MAST4: variants seen among roughly 807,000 people sequenced by gnomAD.
MAST4 encodes microtubule-associated serine/threonine-protein kinase 4.
Under a neutral mutation model 162.7 loss-of-function variants are expected in MAST4, and 89 were observed. The ratio of observed to expected loss-of-function variants is 0.55; its 90% CI spans 0.46 to 0.65. The LOEUF is 0.65. Ranked by LOEUF, MAST4 falls within the 30% of genes least tolerant of loss-of-function variation. The pLI, the probability that MAST4 is intolerant of heterozygous loss-of-function variation, is 0.00. For missense variants in MAST4, 3,153 were observed against 3,374.0 expected, an observed-to-expected ratio of 0.93 and a Z score of 1.62; for synonymous variants, 1,479 against 1,361.1, an observed-to-expected ratio of 1.09 and a Z score of -1.91.
At chr5:66,724,218 A>G (rs567722802) in intron 1 of MAST4, among the ~76,000 whole-genome samples, 24 of 152,272 alleles carry the variant, frequency 1.6e-4, no homozygotes, top group Middle Eastern at 3.4e-3. Context: ...AACAGTTACA[A>G]CAACATTTGA....
intron 14 of MAST4, 112 bp from the exon 15 acceptor site, chr5:67,130,098 C>T (rs1243232440): frequency 1.1e-6 from 1 of 933,960 alleles, no homozygotes; most frequent in African/African-American, 1.7e-5. Context: ...AGCTACATTC[C>T]ACCTGCTGTG....
chr5:67,056,652 T>C (rs528989856), intron 5 of MAST4, among the ~76,000 whole-genome samples: 11 of 152,322 alleles, frequency 7.2e-5, no homozygotes, highest in African/African-American at 2.6e-4. Flanking sequence ...TAGAATTTAA[T>C]CAGAGGAATG....
chr5:67,145,736 T>C (rs1771004181), intron 23 of MAST4, among the ~76,000 whole-genome samples: 1 of 152,242 alleles, frequency 6.6e-6, no homozygotes, highest in Middle Eastern at 3.2e-3. Flanking sequence ...CAGTTGCATC[T>C]AACTCAAAAG....
At chr5:66,996,457 T>C (rs1432302322) in intron 4 of MAST4, among the ~76,000 whole-genome samples, 1 of 152,206 alleles carries the variant, frequency 6.6e-6, no homozygotes, top group African/African-American at 2.4e-5. Flanking sequence ...TTTTAGTTTC[T>C]TCTGGTTACT....
chr5:67,063,942 G>A (rs937749185), intron 5 of MAST4, among the ~76,000 whole-genome samples: 5 of 152,112 alleles, frequency 3.3e-5, no homozygotes, highest in South Asian at 2.1e-4. Flanking sequence ...TGGAAGAAAC[G>A]AGAAAAATGA....
chr5:66,872,284 C>T (rs1404047841), intron 3 of MAST4, among the ~76,000 whole-genome samples: 1 of 152,152 alleles, frequency 6.6e-6, no homozygotes, highest in African/African-American at 2.4e-5. Context: ...ATTCTCCTGT[C>T]TCAGCCTCCC....
chr5:67,146,801 A>G (rs1340233819), intron 23 of MAST4, among the ~76,000 whole-genome samples: 1 of 152,190 alleles, frequency 6.6e-6, no homozygotes, highest in Non-Finnish European at 1.5e-5. Flanking sequence ...AGAGAACAGC[A>G]ATGAGGAAGT....
intron 1 of MAST4, among the ~76,000 whole-genome samples, chr5:66,665,831 G>T (rs115045750): frequency 6.6e-6 from 1 of 152,170 alleles, no homozygotes; most frequent in African/African-American, 2.4e-5. Context: ...TGGGGTTATT[G>T]TGAGTATTGA....
intron 4 of MAST4, among the ~76,000 whole-genome samples, chr5:66,919,919 T>G (rs1764392106): frequency 4.2e-5 from 1 of 24,068 alleles, no homozygotes; most frequent in East Asian, 6.3e-4. Flanking sequence ...CTTCCTTCCT[T>G]CCTTCCTTCC....
intron 1 of MAST4, among the ~76,000 whole-genome samples, chr5:66,668,817 A>G (rs757840786): frequency 6.6e-6 from 1 of 152,068 alleles, no homozygotes; most frequent in African/African-American, 2.4e-5. Context: ...TAGTAGGGGG[A>G]AGCCAGAGGT....
chr5:66,833,046 G>A (rs1207508344), intron 3 of MAST4, among the ~76,000 whole-genome samples: 1 of 151,992 alleles, frequency 6.6e-6, no homozygotes, highest in Non-Finnish European at 1.5e-5. Flanking sequence ...TGATCCTTAG[G>A]GGATAAAAAT....
chr5:66,757,760 C>T (rs948939528), intron 1 of MAST4, among the ~76,000 whole-genome samples: 4 of 151,978 alleles, frequency 2.6e-5, no homozygotes, highest in Admixed American at 6.6e-5. Flanking sequence ...GGGTGTTTAC[C>T]GTTCCTGTAA....
At chr5:66,787,859 G>GAAAATT (rs1448311635) in intron 2 of MAST4, among the ~76,000 whole-genome samples, 13 of 152,318 alleles carry the variant, frequency 8.5e-5, no homozygotes. Flanking sequence ...CAAAGCAGAT[G>GAAAATT]AAAATTAAAC....
chr5:66,691,734 G>A (rs4700149), intron 1 of MAST4, among the ~76,000 whole-genome samples: 15,488 of 152,070 alleles, frequency 0.1, 919 homozygotes, highest in Admixed American at 0.16. Flanking sequence ...CCTATTATGA[G>A]GGGATCCGCT....
chr5:66,740,884 T>C (rs959745841), intron 1 of MAST4, among the ~76,000 whole-genome samples: 3 of 152,176 alleles, frequency 2.0e-5, no homozygotes, highest in African/African-American at 4.8e-5. Context: ...AAGTCACTTA[T>C]AAGCTTCGAA....
intron 1 of MAST4, among the ~76,000 whole-genome samples, chr5:66,711,446 C>T (rs1750489851): frequency 6.6e-6 from 1 of 152,188 alleles, no homozygotes; most frequent in Non-Finnish European, 1.5e-5. Context: ...GTGGCCCCTT[C>T]TTCCATCCTC....
At chr5:66,619,112 T>G (rs17268851) in intron 1 of MAST4, among the ~76,000 whole-genome samples, 6,644 of 152,262 alleles carry the variant, frequency 0.044, 186 homozygotes, top group Admixed American at 0.11. Context: ...TTTTGGTCAT[T>G]TGTTAGTGCT....
intron 1 of MAST4, among the ~76,000 whole-genome samples, chr5:66,667,785 A>G (rs1169468001): frequency 1.5e-5 from 2 of 136,056 alleles, no homozygotes; most frequent in African/African-American, 6.0e-5. Flanking sequence ...CCAACAAATT[A>G]TAATTGATTT....
chr5:66,827,291 G>C (rs545744207), intron 3 of MAST4, among the ~76,000 whole-genome samples: 1 of 152,160 alleles, frequency 6.6e-6, no homozygotes, highest in Non-Finnish European at 1.5e-5. Context: ...ATATAAGCGA[G>C]AGCTAAAAAC....
Sources: allele counts gnomAD v4.1 joint callset (sites outside exome capture counted in the v4.1 genomes callset), GRCh38; gene constraint gnomAD v4.1.1; transcripts MANE v1.5; gene names NCBI Gene and HGNC (gene_info 2026-07-23, HGNC 2026-07-21).